The following LRIG1 variants were observed in gnomAD, a reference collection of about 807,000 sequenced individuals.
LRIG1 encodes leucine-rich repeats and immunoglobulin-like domains protein 1.
LRIG1 carries 48 observed loss-of-function variants against 99.2 expected under a neutral mutation model. That is an observed-to-expected ratio of 0.48 (90% confidence interval 0.38 to 0.62). LRIG1 has a LOEUF of 0.62. Ranked by LOEUF, LRIG1 falls within the 20% of genes least tolerant of loss-of-function variation. The probability of loss-of-function intolerance (pLI) is 0.00; values close to 1 mark genes in which losing one functional copy is unlikely to be tolerated. For missense variants in LRIG1, 1,646 were observed against 1,434.4 expected (o/e 1.15, Z -2.38); for synonymous variants, 772 against 596.1 (o/e 1.29, Z -4.30).
chr3:66,428,090 G>A (rs1303267111), intron 3 of LRIG1, among the ~76,000 whole-genome samples: 1 of 152,178 alleles, frequency 6.6e-6, no homozygotes, highest in African/African-American at 2.4e-5. Context: ...TCACAGCTAT[G>A]AACACGGACT....
chr3:66,440,817 G>C (rs1279623408), intron 3 of LRIG1, among the ~76,000 whole-genome samples: 1 of 152,196 alleles, frequency 6.6e-6, no homozygotes, highest in Non-Finnish European at 1.5e-5. Context: ...CATTTTATGA[G>C]TGAGAAAACT....
intron 2 of LRIG1, among the ~76,000 whole-genome samples, chr3:66,451,860 G>A (rs1025930304): frequency 2.0e-5 from 3 of 152,114 alleles, no homozygotes; most frequent in African/African-American, 4.8e-5. Context: ...CAAACACTAA[G>A]GGGAAGCATC....
intron 3 of LRIG1, among the ~76,000 whole-genome samples, chr3:66,424,850 A>T (rs1445732383): frequency 5.9e-5 from 9 of 152,258 alleles, no homozygotes; most frequent in Admixed American, 5.9e-4. Flanking sequence ...AATAAATTAT[A>T]GGAGATATTC....
rs147987643 is a variant in LRIG1, at chr3:66,389,920, C to T, written c.1469-3619G>A. 7.1e-3 allele frequency among the ~76,000 whole-genome samples: 1,074 copies of T among 152,272 alleles called. 3 individuals are homozygous for T. The highest frequency in any genetic ancestry group is 0.011 in the Non-Finnish European group (767 of 67,992). ...AGCCATTTAGTCCATCCCTAAAGAA[C>T]TGAGGGTCCTGGGACATATCAATGC... On this transcript the variant is annotated intron_variant, in intron 12 of 18. Coordinates refer to ENST00000273261, the MANE Select transcript of LRIG1 (RefSeq NM_015541.3).
intron 12 of LRIG1, among the ~76,000 whole-genome samples, chr3:66,391,612 G>C (rs1381529205): frequency 6.6e-6 from 1 of 152,172 alleles, no homozygotes; most frequent in Admixed American, 6.5e-5. Context: ...CAAGGGCCTG[G>C]GGGCAGAGAA....
At chr3:66,487,906 A>G (rs923115992) in intron 1 of LRIG1, among the ~76,000 whole-genome samples, 1 of 152,222 alleles carries the variant, frequency 6.6e-6, no homozygotes, top group African/African-American at 2.4e-5. Flanking sequence ...AACTTCTGTC[A>G]AGAAGTTCCA....
chr3:66,382,963 T>G lies in LRIG1; in HGVS notation c.2491+19A>C. 6.3e-7 allele frequency: 1 copy of G among 1,577,174 alleles called. No individual in the cohort carries two copies. Among genetic ancestry groups the G allele is most frequent in the Non-Finnish European group, 8.6e-7 (1 of 1,156,418 alleles). ...CATTCCTCCCTCCTTGAAAGTCAGC[T>G]CCGCTGGCAGGGCCTGACCTGTGTT... On this transcript the variant is annotated intron_variant, in intron 15 of 18. Coordinates refer to ENST00000273261, the MANE Select transcript of LRIG1 (RefSeq NM_015541.3).
intron 6 of LRIG1, among the ~76,000 whole-genome samples, chr3:66,411,210 T>C (rs1007060340): frequency 6.6e-6 from 1 of 152,226 alleles, no homozygotes; most frequent in African/African-American, 2.4e-5. Context: ...AACCGCCTCT[T>C]CAACAAAAGT....
chr3:66,418,286 G>A (rs935856430), intron 3 of LRIG1, among the ~76,000 whole-genome samples: 2 of 152,070 alleles, frequency 1.3e-5, no homozygotes, highest in African/African-American at 4.8e-5. Flanking sequence ...GTAGAGACAA[G>A]GTTTCACCGT....
At chr3:66,456,515 G>A (rs897871174) in intron 2 of LRIG1, among the ~76,000 whole-genome samples, 1 of 148,862 alleles carries the variant, frequency 6.7e-6, no homozygotes, top group African/African-American at 2.5e-5. Flanking sequence ...TGAGGCTGCA[G>A]TCAGCTATGA....
chr3:66,417,107 G>T, intron 4 of LRIG1, 22 bp downstream of exon 4: 1 of 1,611,280 alleles, frequency 6.2e-7, no homozygotes, highest in Non-Finnish European at 8.5e-7. Flanking sequence ...CCAGCCACAG[G>T]TGGCAGAACA....
chr3:66,430,948 G>A (rs1413153004), intron 3 of LRIG1, among the ~76,000 whole-genome samples: 1 of 151,678 alleles, frequency 6.6e-6, no homozygotes, highest in Non-Finnish European at 1.5e-5. Flanking sequence ...TCCTTTCCCT[G>A]GTGACCTGCT....
At chr3:66,381,704 G>C in intron 16 of LRIG1, 73 bp from the exon 17 acceptor site, 2 of 1,517,496 alleles carry the variant, frequency 1.3e-6, no homozygotes, top group Non-Finnish European at 9.0e-7. Flanking sequence ...AAAGGAATGA[G>C]CAAGGCCGCT....
chr3:66,405,630 C>T (rs1037782971), intron 8 of LRIG1: 54 of 835,518 alleles, frequency 6.5e-5, no homozygotes, highest in Non-Finnish European at 7.8e-5. Context: ...CAAAAGGTTC[C>T]TTAAGGCTCC....
chr3:66,437,667 A>G (rs1159789838), intron 3 of LRIG1, among the ~76,000 whole-genome samples: 1 of 152,164 alleles, frequency 6.6e-6, no homozygotes, highest in Non-Finnish European at 1.5e-5. Context: ...CCTCAGAGTC[A>G]TTCATCCATA....
chr3:66,413,676 G>T (rs1232777110), intron 5 of LRIG1, among the ~76,000 whole-genome samples: 2 of 152,180 alleles, frequency 1.3e-5, no homozygotes, highest in Non-Finnish European at 2.9e-5. Flanking sequence ...TGCGGGAAGG[G>T]GAGGCAGAGC....
chr3:66,481,480 T>C (rs1399368430), intron 1 of LRIG1, among the ~76,000 whole-genome samples: 1 of 152,002 alleles, frequency 6.6e-6, no homozygotes, highest in South Asian at 2.1e-4. Context: ...ACCTCGAAAT[T>C]GGCAGAGAAT....
chr3:66,462,481 T>C lies in LRIG1; in HGVS notation c.247A>G (p.Ile83Val). ...LNLSYNKLSE[I>V]DPAGFEDLPN... ...AAGTCCTCAAAACCAGCAGGGTCAA[T>C]CTCAGAGAGTTTGTTGTAACTCAGG... Residue 83 changes from isoleucine (I) to valine (V), a missense_variant, in exon 2 of 19, where the codon ATT (isoleucine) becomes GTT (valine). Coordinates refer to ENST00000273261, the MANE Select transcript of LRIG1 (RefSeq NM_015541.3). 1 of 1,612,728 alleles carries C rather than the reference T, an allele frequency of 6.2e-7. No homozygotes were observed. The highest frequency in any genetic ancestry group is 8.5e-7 in the Non-Finnish European group (1 of 1,179,378).
At chr3:66,472,303 C>CAAAAAAAAA (rs71105995) in intron 1 of LRIG1, among the ~76,000 whole-genome samples, 12 of 63,868 alleles carry the variant, frequency 1.9e-4, no homozygotes, top group African/African-American at 6.2e-4. Flanking sequence ...GACTCTGTCT[C>CAAAAAAAAA]AAAAAAAAAA....
Sources: gnomAD v4.1 joint callset for allele counts (sites outside exome capture counted in the v4.1 genomes callset) on GRCh38, gnomAD v4.1.1 for gene constraint, MANE v1.5 for transcripts, NCBI Gene and HGNC (gene_info 2026-07-23, HGNC 2026-07-21) for gene names.